Variants in LUZP2 observed in about 807,000 individuals in gnomAD.
LUZP2 encodes the protein leucine zipper protein 2.
LUZP2 carries 52 observed loss-of-function variants against 51.6 expected under a neutral mutation model. The ratio of observed to expected loss-of-function variants is 1.01; its 90% CI spans 0.81 to 1.27. LUZP2 has a LOEUF of 1.27. Among genes scored for constraint, LUZP2 ranks in the 50% most tolerant of loss-of-function variants. LUZP2 has a pLI of 0.00. For missense variants in LUZP2, 436 were observed against 395.4 expected, an observed-to-expected ratio of 1.10 and a Z score of -0.87; for synonymous variants, 154 against 137.3, an observed-to-expected ratio of 1.12 and a Z score of -0.85.
chr11:24,960,415 C>A (rs1224139862), intron 7 of LUZP2, among the ~76,000 whole-genome samples: 1 of 152,064 alleles, frequency 6.6e-6, no homozygotes, highest in African/African-American at 2.4e-5. Flanking sequence ...TTGATTATTG[C>A]CTCAATTTCA....
intron 1 of LUZP2, among the ~76,000 whole-genome samples, chr11:24,700,585 T>A (rs915187568): frequency 7.2e-5 from 11 of 152,200 alleles, no homozygotes; most frequent in Non-Finnish European, 1.5e-4. Flanking sequence ...ATTGTGTTTT[T>A]TTTTTAAATG....
At chr11:25,051,024 A>G (rs955580712) in intron 10 of LUZP2, among the ~76,000 whole-genome samples, 3 of 152,238 alleles carry the variant, frequency 2.0e-5, no homozygotes, top group African/African-American at 4.8e-5. Flanking sequence ...AATTGTGTTC[A>G]AAATTAGGCT....
At chr11:24,578,722 C>A (rs778163491) in intron 1 of LUZP2, among the ~76,000 whole-genome samples, 20 of 151,988 alleles carry the variant, frequency 1.3e-4, no homozygotes, top group Non-Finnish European at 2.8e-4. Context: ...TAAGTGGAAG[C>A]TAAATATCGG....
At chr11:24,710,960 G>T (rs1857792620) in intron 1 of LUZP2, among the ~76,000 whole-genome samples, 1 of 150,100 alleles carries the variant, frequency 6.7e-6, no homozygotes, top group African/African-American at 2.5e-5. Flanking sequence ...AAGGAGGGAG[G>T]GAGGGGAGGG....
chr11:24,851,098 C>G (rs75861085), intron 5 of LUZP2, among the ~76,000 whole-genome samples: 1 of 152,078 alleles, frequency 6.6e-6, no homozygotes, highest in Non-Finnish European at 1.5e-5. Context: ...TTTGAATATC[C>G]TTTGTTTCTT....
chr11:25,043,325 C>T (rs1397480994), intron 9 of LUZP2, among the ~76,000 whole-genome samples: 1 of 151,746 alleles, frequency 6.6e-6, no homozygotes, highest in Non-Finnish European at 1.5e-5. Context: ...ACCATTTAGC[C>T]CAGTACAGTG....
At chr11:25,053,569 A>G (rs1858589795) in intron 10 of LUZP2, among the ~76,000 whole-genome samples, 1 of 148,396 alleles carries the variant, frequency 6.7e-6, no homozygotes, top group Admixed American at 6.7e-5. Flanking sequence ...TAATACAATG[A>G]GTCCTCATCC....
At position 24,738,242 on chromosome 11, in the gene LUZP2, G is replaced by A; in HGVS notation, c.273G>A (p.Gln91=). The A allele has an allele frequency of 6.2e-7, 1 of 1,611,686 alleles. No homozygotes were observed. Among genetic ancestry groups the A allele is most frequent in the Non-Finnish European group, 8.5e-7 (1 of 1,178,336 alleles). ...QKQREEMKSL[Q]EALQNQLKET... is the part of the protein sequence containing the mutation. ...ATAGAGAAGAAATGAAGTCTCTTCA[G>A]GAGGCCCTGCAAAATCAGCTTAAGG... The change falls in exon 4 of 12, where the codon CAG becomes CAA. Residue 91 remains glutamine (Q), a synonymous_variant. Transcript: ENST00000336930.
At chr11:24,810,410 G>A (rs1849985045) in intron 5 of LUZP2, among the ~76,000 whole-genome samples, 1 of 152,020 alleles carries the variant, frequency 6.6e-6, no homozygotes, top group African/African-American at 2.4e-5. Flanking sequence ...TGTTGTCAAG[G>A]TTCTGTATAA....
At chr11:24,817,476 A>G (rs2256080) in intron 5 of LUZP2, among the ~76,000 whole-genome samples, 71,659 of 151,804 alleles carry the variant, frequency 0.47, 17,175 homozygotes, top group African/African-American at 0.55. Context: ...CAAGAGCCCA[A>G]TGAAAATTAT....
chr11:24,602,387 TAC>T (rs71041785), intron 1 of LUZP2, among the ~76,000 whole-genome samples: 5,810 of 129,480 alleles, frequency 0.045, 214 homozygotes, highest in South Asian at 0.098. Flanking sequence ...TATATATATA[TAC>T]ACACACACAC....
intron 1 of LUZP2, among the ~76,000 whole-genome samples, chr11:24,624,043 A>G (rs1381890872): frequency 1.3e-5 from 2 of 152,168 alleles, no homozygotes; most frequent in Non-Finnish European, 2.9e-5. Context: ...ATTTCATCTT[A>G]TGAATATCTT....
At chr11:24,882,532 T>C (rs900761435) in intron 5 of LUZP2, among the ~76,000 whole-genome samples, 8 of 152,024 alleles carry the variant, frequency 5.3e-5, no homozygotes, top group Non-Finnish European at 1.5e-5. Context: ...GATTAATGTA[T>C]AATGACATGT....
intron 7 of LUZP2, among the ~76,000 whole-genome samples, chr11:24,967,625 G>T (rs529719817): frequency 6.6e-6 from 1 of 151,400 alleles, no homozygotes. Context: ...TTAGTATCAC[G>T]TCATATCTAC....
At chr11:24,808,832 A>C (rs1849931411) in intron 5 of LUZP2, among the ~76,000 whole-genome samples, 1 of 152,194 alleles carries the variant, frequency 6.6e-6, no homozygotes, top group Admixed American at 6.6e-5. Context: ...TGTGCGTTTC[A>C]AGATTAGGTA....
At chr11:24,691,390 T>C (rs1416855329) in intron 1 of LUZP2, among the ~76,000 whole-genome samples, 1 of 151,952 alleles carries the variant, frequency 6.6e-6, no homozygotes, top group African/African-American at 2.4e-5. Context: ...CTTCTATAAA[T>C]TTGAAAATGC....
chr11:24,657,658 G>A (rs1855853939), intron 1 of LUZP2, among the ~76,000 whole-genome samples: 1 of 152,092 alleles, frequency 6.6e-6, no homozygotes, highest in Non-Finnish European at 1.5e-5. Flanking sequence ...GAGATGACAT[G>A]AATTGTATAT....
In LUZP2 at chr11:24,872,208, C is replaced by T. The variant is rs183770750; in HGVS notation, c.397-33783C>T. On this transcript the variant is annotated intron_variant, in intron 5 of 11. Transcript: ENST00000336930. ...TAGTTATTCTTATCGGTGAATTTTTCTCAGTCTTTACTTACAATTACTGCA... is the reference window on the plus strand; with the variant it reads ...TAGTTATTCTTATCGGTGAATTTTTTTCAGTCTTTACTTACAATTACTGCA... Among the ~76,000 whole-genome samples, 6 of 152,212 alleles carry T rather than the reference C, an allele frequency of 3.9e-5. No homozygotes were observed. In the East Asian group the frequency reaches 1.2e-3, roughly 29 times the overall value.
intron 1 of LUZP2, among the ~76,000 whole-genome samples, chr11:24,540,975 G>C (rs552652076): frequency 1.3e-5 from 2 of 152,122 alleles, no homozygotes; most frequent in African/African-American, 4.8e-5. Context: ...ATGGCCGGCT[G>C]GCCATGGTAG....
Sources: allele counts gnomAD v4.1 joint callset (sites outside exome capture counted in the v4.1 genomes callset), GRCh38; gene constraint gnomAD v4.1.1; transcripts MANE v1.5; gene names NCBI Gene and HGNC (gene_info 2026-07-23, HGNC 2026-07-21).